KLF12: variants seen among roughly 807,000 people sequenced by gnomAD.
KLF12 encodes KLF transcription factor 12, also known as Krueppel-like factor 12.
A neutral mutation model predicts 37.8 loss-of-function variants in KLF12; 9 were observed. That is an observed-to-expected ratio of 0.24 (90% CI 0.14 to 0.42). The LOEUF is 0.42. Ranked by LOEUF, KLF12 falls within the 10% of genes least tolerant of loss-of-function variation. KLF12 has a pLI of 1.00. For synonymous variants in KLF12, 208 were observed against 202.1 expected (o/e 1.03, Z -0.25); for missense variants, 411 against 516.0 (o/e 0.80, Z 1.97).
intron 1 of KLF12, among the ~76,000 whole-genome samples, chr13:74,083,018 AG>A (rs1271243215): frequency 1.3e-5 from 2 of 152,214 alleles, no homozygotes; most frequent in African/African-American, 4.8e-5. Flanking sequence ...TTTAAAAATA[AG>A]GAAGAGTGAC....
chr13:73,807,308 TA>T (rs35042393), intron 5 of KLF12, among the ~76,000 whole-genome samples: 3,510 of 145,470 alleles, frequency 0.024, 114 homozygotes, highest in African/African-American at 0.071. Flanking sequence ...AAATTCCATC[TA>T]AAAAAAAAAA....
chr13:73,695,711 C>A, intron 7 of KLF12, 40 bp from the exon 8 acceptor site: 1 of 1,584,178 alleles, frequency 6.3e-7, no homozygotes, highest in South Asian at 1.1e-5. Context: ...GTGCTCCATC[C>A]ATCACTTTGC....
chr13:74,094,489 T>C (rs557862499), intron 1 of KLF12, among the ~76,000 whole-genome samples: 1 of 152,074 alleles, frequency 6.6e-6, no homozygotes, highest in South Asian at 2.1e-4. Context: ...AGATCATGAG[T>C]TTCAAATGCA....
rs7985876 is a variant in KLF12, at chr13:73,874,160, A to G, written c.124-27787T>C. Among the ~76,000 whole-genome samples the G allele has an allele frequency of 3.7e-3, 567 of 152,336 alleles. 1 individual carries two copies. Among genetic ancestry groups the G allele is most frequent in the African/African-American group, 0.013 (540 of 41,590 alleles). ...ATTTTTATTACAGAGCTTTGCTCAT[A>G]CTGTGATGATTTCAGATAAGGTATT... On this transcript the variant is annotated intron_variant, in intron 3 of 7. Transcript: ENST00000377669.
intron 2 of KLF12, among the ~76,000 whole-genome samples, chr13:73,965,460 G>C (rs1891147431): frequency 6.6e-6 from 1 of 152,002 alleles, no homozygotes; most frequent in Non-Finnish European, 1.5e-5. Flanking sequence ...AATTACCTCT[G>C]TACAGTCCTC....
chr13:73,782,091 T>G (rs561676102), intron 5 of KLF12, among the ~76,000 whole-genome samples: 4 of 152,230 alleles, frequency 2.6e-5, no homozygotes, highest in African/African-American at 9.6e-5. Context: ...GGAAGGGCTA[T>G]GTAGTAACAT....
chr13:73,978,638 C>A (rs1212581230), intron 2 of KLF12, among the ~76,000 whole-genome samples: 2 of 152,228 alleles, frequency 1.3e-5, no homozygotes, highest in East Asian at 3.9e-4. Context: ...AGGTTCCAGG[C>A]TTAATGATCT....
upstream of KLF12, among the ~76,000 whole-genome samples, chr13:74,134,646 G>A (rs1878469379): frequency 1.3e-5 from 2 of 152,092 alleles, no homozygotes; most frequent in East Asian, 2.0e-4. Context: ...GGCCCTGGGA[G>A]CTCGGGGAGT....
chr13:73,965,001 C>T lies in KLF12; in HGVS notation c.34-20931G>A, dbSNP rs531658013. Reference sequence around the variant, plus strand: ...GAACATGCAAAAAAGGTAGCAGCTCCATTGCATACCGGGGTAAGCAGTTTA... The same window carrying T: ...GAACATGCAAAAAAGGTAGCAGCTCTATTGCATACCGGGGTAAGCAGTTTA... On this transcript the variant is annotated intron_variant, in intron 2 of 7. Coordinates refer to ENST00000377669, the MANE Select transcript of KLF12 (RefSeq NM_007249.5). Among the ~76,000 whole-genome samples, 6 of 152,272 alleles carry T rather than the reference C, an allele frequency of 3.9e-5. No individual in the cohort carries two copies. The South Asian group carries it at 8.3e-4, about 21-fold the overall frequency.
intron 3 of KLF12, among the ~76,000 whole-genome samples, chr13:73,932,947 A>G (rs1889754715): frequency 6.6e-6 from 1 of 152,226 alleles, no homozygotes; most frequent in Non-Finnish European, 1.5e-5. Context: ...ATAACTAGTT[A>G]CAATGATCAA....
chr13:74,300,072 C>A, the KLF12 span, among the ~76,000 whole-genome samples: 8 of 152,002 alleles, frequency 5.3e-5, no homozygotes, highest in Non-Finnish European at 1.0e-4. Context: ...GGGAAATCAC[C>A]TTTTATCCTA....
chr13:73,982,322 A>G (rs372448125), intron 2 of KLF12, among the ~76,000 whole-genome samples: 169 of 152,334 alleles, frequency 1.1e-3, no homozygotes, highest in African/African-American at 3.9e-3. Context: ...AAAAGAAATG[A>G]AGGAGGAGGA....
chr13:74,223,882 T>C, the KLF12 span, among the ~76,000 whole-genome samples: 1 of 152,192 alleles, frequency 6.6e-6, no homozygotes, highest in Non-Finnish European at 1.5e-5. Flanking sequence ...CAAGCACATA[T>C]TTCACTTGCT....
rs113876766 is a variant in KLF12 at position 73,927,038 on chromosome 13, G to C, written c.123+16943C>G. Among the ~76,000 whole-genome samples, 863 of 151,744 alleles carry C rather than the reference G, an allele frequency of 5.7e-3. 11 individuals are homozygous for C. The highest frequency in any genetic ancestry group is 0.019 in the African/African-American group (793 of 41,394). On this transcript the variant is annotated intron_variant, in intron 3 of 7. Transcript: ENST00000377669. ...CGAAATAGCATAAAAAATGTGAAAGGGTGTCATGTATGAAACTCAAATGTC... is the reference window on the plus strand; with the variant it reads ...CGAAATAGCATAAAAAATGTGAAAGCGTGTCATGTATGAAACTCAAATGTC...
intron 1 of KLF12, among the ~76,000 whole-genome samples, chr13:74,090,947 A>G (rs1360885369): frequency 6.7e-6 from 1 of 150,262 alleles, no homozygotes; most frequent in African/African-American, 2.5e-5. Flanking sequence ...AAAAAAAAGA[A>G]AGTAAGAAAG....
At chr13:73,921,172 A>G (rs1374216722) in intron 3 of KLF12, among the ~76,000 whole-genome samples, 1 of 152,124 alleles carries the variant, frequency 6.6e-6, no homozygotes, top group Non-Finnish European at 1.5e-5. Flanking sequence ...CCTTCTATGA[A>G]GAGGGTATTT....
chr13:74,274,955 G>A, the KLF12 span, among the ~76,000 whole-genome samples: 1 of 152,058 alleles, frequency 6.6e-6, no homozygotes, highest in Admixed American at 6.6e-5. Flanking sequence ...CAATCTGTGA[G>A]TCTTGGTTAA....
intron 3 of KLF12, among the ~76,000 whole-genome samples, chr13:73,861,950 ATGTG>A (rs1193048308): frequency 2.0e-5 from 3 of 152,152 alleles, no homozygotes; most frequent in African/African-American, 4.8e-5. Flanking sequence ...ATATATACAA[ATGTG>A]TGTGTCTACG....
At chr13:74,266,876 A>G in the KLF12 span, among the ~76,000 whole-genome samples, 210 of 152,342 alleles carry the variant, frequency 1.4e-3, no homozygotes, top group African/African-American at 4.7e-3. Context: ...GGTAATGATT[A>G]ATAATTTGAG....
Sources: gnomAD v4.1 joint callset for allele counts (sites outside exome capture counted in the v4.1 genomes callset) on GRCh38, gnomAD v4.1.1 for gene constraint, MANE v1.5 for transcripts, NCBI Gene and HGNC (gene_info 2026-07-23, HGNC 2026-07-21) for gene names.